Variants in CCDC178 observed in about 807,000 individuals in gnomAD.
CCDC178 encodes the protein coiled-coil domain containing 178.
In CCDC178, 126 loss-of-function variants were observed where a neutral mutation model predicts 117.4. The ratio of observed to expected loss-of-function variants is 1.07; its 90% CI spans 0.93 to 1.24. The LOEUF is 1.24. CCDC178 is among the 50% of genes most tolerant of loss of function. The pLI is 0.00. For missense variants in CCDC178, 1,030 were observed against 986.9 expected (o/e 1.04, Z -0.59); for synonymous variants, 283 against 313.4 (o/e 0.90, Z 1.02).
chr18:33,297,988 G>A (rs977697275), intron 11 of CCDC178, among the ~76,000 whole-genome samples: 1 of 151,462 alleles, frequency 6.6e-6, no homozygotes, highest in Non-Finnish European at 1.5e-5. Flanking sequence ...CTTGCAGTGA[G>A]CCGAGATTGC....
rs1598776170 is a variant in CCDC178, at chr18:33,003,372, T to A, written c.2389-28691A>T. On this transcript the variant is annotated intron_variant, in intron 21 of 22. Coordinates refer to ENST00000383096, the MANE Select transcript of CCDC178 (RefSeq NM_001105528.4). ...GGGATTTATCCCAGGGATATAAGGA[T>A]GGTTCAACATATGCAAATCAATCAA... 3.3e-5 allele frequency among the ~76,000 whole-genome samples: 5 copies of A among 152,320 alleles called. No individual in the cohort carries two copies. The East Asian group carries it at 9.6e-4, about 29-fold the overall frequency.
At chr18:33,382,720 C>T (rs1207200700) in intron 5 of CCDC178, among the ~76,000 whole-genome samples, 1 of 152,150 alleles carries the variant, frequency 6.6e-6, no homozygotes, top group Non-Finnish European at 1.5e-5. Flanking sequence ...CCACCAGGGC[C>T]CTGGGTCTCA....
At chr18:33,260,772 AG>A (rs2059736844) in intron 14 of CCDC178, among the ~76,000 whole-genome samples, 1 of 152,104 alleles carries the variant, frequency 6.6e-6, no homozygotes. Flanking sequence ...AGATAGGTAG[AG>A]GTAAGACTTT....
chr18:33,050,915 T>A (rs982590179), intron 21 of CCDC178, among the ~76,000 whole-genome samples: 14 of 152,258 alleles, frequency 9.2e-5, no homozygotes, highest in African/African-American at 3.4e-4. Flanking sequence ...TCAATTTGTT[T>A]GTTTGTTTTT....
chr18:33,306,106 T>G (rs1208864444), intron 11 of CCDC178, among the ~76,000 whole-genome samples: 1 of 152,224 alleles, frequency 6.6e-6, no homozygotes, highest in East Asian at 1.9e-4. Context: ...CTGCTGTTAT[T>G]AAGTTGCTCG....
chr18:33,073,543 C>CTATA (rs1274016013), intron 21 of CCDC178, among the ~76,000 whole-genome samples: 11 of 143,462 alleles, frequency 7.7e-5, no homozygotes, highest in Middle Eastern at 3.4e-3. Context: ...ATCTATCTAT[C>CTATA]TATCTATCTA....
chr18:33,111,665 A>G (rs2057785131), intron 20 of CCDC178, among the ~76,000 whole-genome samples: 1 of 151,704 alleles, frequency 6.6e-6, no homozygotes, highest in African/African-American at 2.4e-5. Flanking sequence ...TAATATGATG[A>G]CAGAACTAAG....
Position 33,348,978 on chromosome 18 carries a change from A to G in CCDC178, c.372-3T>C. The G allele has an allele frequency of 1.3e-6, 2 of 1,590,376 alleles. No individual in the cohort carries two copies. The highest frequency in any genetic ancestry group is 1.7e-6 in the Non-Finnish European group (2 of 1,166,266). On this transcript the variant is annotated splice_polypyrimidine_tract_variant and splice_region_variant and intron_variant, in intron 7 of 22. Transcript: ENST00000383096. ...CTTTTGTGGAAGAAGTTCTGCTCCT[A>G]TATAATGGGAAAGAAGCAAGCAGTA...
At chr18:33,305,710 A>G (rs73421823) in intron 11 of CCDC178, among the ~76,000 whole-genome samples, 1 of 152,122 alleles carries the variant, frequency 6.6e-6, no homozygotes, top group African/African-American at 2.4e-5. Context: ...AGAGGAGCTT[A>G]AATTTACCCT....
intron 20 of CCDC178, among the ~76,000 whole-genome samples, chr18:33,152,782 C>T (rs1229995883): frequency 6.6e-6 from 1 of 152,030 alleles, no homozygotes; most frequent in Non-Finnish European, 1.5e-5. Flanking sequence ...TCTCAGGAAG[C>T]CTCTGGAGAA....
chr18:33,297,911 G>A (rs941534718), intron 11 of CCDC178, among the ~76,000 whole-genome samples: 9 of 151,968 alleles, frequency 5.9e-5, no homozygotes, highest in Admixed American at 1.3e-4. Flanking sequence ...ACGTGGTGGC[G>A]GGCGCCTGTA....
At chr18:32,975,013 T>C (rs534696710) in intron 21 of CCDC178, among the ~76,000 whole-genome samples, 48 of 152,316 alleles carry the variant, frequency 3.2e-4, no homozygotes, top group African/African-American at 1.1e-3. Context: ...CCGATAGCCT[T>C]GGGACATATT....
intron 22 of CCDC178, among the ~76,000 whole-genome samples, chr18:32,965,252 C>T (rs1386355782): frequency 6.6e-6 from 1 of 151,892 alleles, no homozygotes; most frequent in Non-Finnish European, 1.5e-5. Context: ...CCTTCTAGAC[C>T]TATTTCTGCA....
At chr18:33,429,863 A>G (rs1334446720) in intron 2 of CCDC178, among the ~76,000 whole-genome samples, 1 of 152,206 alleles carries the variant, frequency 6.6e-6, no homozygotes, top group Non-Finnish European at 1.5e-5. Flanking sequence ...TTGAGATAGC[A>G]TTACTGTTAA....
At chr18:33,147,485 T>C (rs1598931687) in intron 20 of CCDC178, among the ~76,000 whole-genome samples, 1 of 148,862 alleles carries the variant, frequency 6.7e-6, no homozygotes, top group Admixed American at 6.8e-5. Context: ...TGAACAAGGG[T>C]CTCTGGTTTT....
At chr18:33,328,095 T>G (rs1306555206) in intron 10 of CCDC178, 32 of 159,632 alleles carry the variant, frequency 2.0e-4, no homozygotes, top group Non-Finnish European at 2.3e-4. Flanking sequence ...TTTTTTTTTT[T>G]TTTTTTTTTT....
At chr18:33,179,134 T>G (rs2058704007) in intron 20 of CCDC178, among the ~76,000 whole-genome samples, 1 of 123,524 alleles carries the variant, frequency 8.1e-6, no homozygotes, top group Non-Finnish European at 1.6e-5. Context: ...ATATAAACTA[T>G]ATATATATAA....
chr18:32,942,703 T>A (rs939429231), intron 22 of CCDC178, among the ~76,000 whole-genome samples: 13 of 152,162 alleles, frequency 8.5e-5, no homozygotes, highest in East Asian at 3.8e-4. Flanking sequence ...TCTTTTTTTT[T>A]AATCAAATTA....
At chr18:32,971,387 T>TGCATA (rs1227455541) in intron 22 of CCDC178, among the ~76,000 whole-genome samples, 1 of 152,210 alleles carries the variant, frequency 6.6e-6, no homozygotes, top group Non-Finnish European at 1.5e-5. Flanking sequence ...TATTCCATGG[T>TGCATA]GTATATGTGC....
Sources: gnomAD v4.1 joint callset for allele counts (sites outside exome capture counted in the v4.1 genomes callset) on GRCh38, gnomAD v4.1.1 for gene constraint, MANE v1.5 for transcripts, NCBI Gene and HGNC (gene_info 2026-07-23, HGNC 2026-07-21) for gene names.